The following PLEKHA7 variants were observed in gnomAD, a reference collection of about 807,000 sequenced individuals.
The protein encoded by PLEKHA7 is pleckstrin homology domain containing A7.
Under a neutral mutation model 170.0 loss-of-function variants are expected in PLEKHA7, and 104 were observed. The ratio of observed to expected loss-of-function variants is 0.61; its 90% CI spans 0.52 to 0.72. PLEKHA7 has a LOEUF of 0.72. Ranked by LOEUF, PLEKHA7 falls within the 30% of genes least tolerant of loss-of-function variation. PLEKHA7 has a pLI of 0.00. For missense variants in PLEKHA7, 1,615 were observed against 1,671.7 expected (o/e 0.97, Z 0.59); for synonymous variants, 648 against 660.8 (o/e 0.98, Z 0.30).
intron 3 of PLEKHA7, among the ~76,000 whole-genome samples, chr11:16,906,224 TAGGA>T (rs199992587): frequency 0.078 from 9,107 of 116,096 alleles, 437 homozygotes; most frequent in South Asian, 0.089. Context: ...TAAAATGAGG[TAGGA>T]AGGAAGGAAG....
intron 8 of PLEKHA7, among the ~76,000 whole-genome samples, chr11:16,850,519 A>G (rs925763689): frequency 6.6e-6 from 1 of 152,172 alleles, no homozygotes; most frequent in African/African-American, 2.4e-5. Flanking sequence ...AATGGAGAAG[A>G]CCTCAGGACT....
intron 9 of PLEKHA7, among the ~76,000 whole-genome samples, chr11:16,838,445 C>T (rs1371954313): frequency 6.7e-6 from 1 of 149,256 alleles, no homozygotes; most frequent in South Asian, 2.1e-4. Flanking sequence ...CCCAGGAGTT[C>T]GAGGCTGCAG....
At chr11:16,917,546 T>C (rs1454670106) in intron 3 of PLEKHA7, among the ~76,000 whole-genome samples, 1 of 152,200 alleles carries the variant, frequency 6.6e-6, no homozygotes, top group Non-Finnish European at 1.5e-5. Context: ...CCCACATTCC[T>C]TGGCTCAAGG....
chr11:16,880,824 A>G (rs1296666825), intron 3 of PLEKHA7, among the ~76,000 whole-genome samples: 1 of 152,212 alleles, frequency 6.6e-6, no homozygotes, highest in African/African-American at 2.4e-5. Flanking sequence ...GTACACTTAA[A>G]TAAGTCAGTT....
At chr11:17,013,471 CG>C in intron 3 of PLEKHA7, 2 of 153,560 alleles carry the variant, frequency 1.3e-5, no homozygotes, top group Non-Finnish European at 2.9e-5. Context: ...GGATGGAGGC[CG>C]GGGGCGAGGT....
At position 16,789,934 on chromosome 11, in the gene PLEKHA7, C is replaced by T. The variant is rs1847721216; in HGVS notation, c.3053-56G>A. The T allele has an allele frequency of 2.8e-5, 40 of 1,446,660 alleles. No individual in the cohort carries two copies. The South Asian group carries it at 4.0e-4, about 15-fold the overall frequency. The allele number at this position is 1,446,660 out of a possible 1,614,324, so 89.6% of individuals were successfully genotyped here. A position where few individuals can be genotyped will look rare whatever the true frequency, so the allele number is the denominator to read the frequency against. The stretch of plus-strand genomic sequence containing the variant: ...TTGTGCTGGGGTGGATGGGTCCCTG[C>T]TTCTCCCTCATCACACATTCTTGCA... On this transcript the variant is annotated intron_variant, in intron 21 of 26. Coordinates refer to ENST00000531066, the MANE Select transcript of PLEKHA7 (RefSeq NM_001329630.2). This position sits in a 1 kb window ranked among gnomAD's most constrained non-coding sequence, Gnocchi z 4.6.
chr11:16,975,738 T>C (rs1460869259), intron 3 of PLEKHA7, among the ~76,000 whole-genome samples: 1 of 152,242 alleles, frequency 6.6e-6, no homozygotes, highest in Non-Finnish European at 1.5e-5. Flanking sequence ...GGATTATCTC[T>C]GGGTGATAGG....
In PLEKHA7 at chr11:16,816,159, G is replaced by A. The variant is rs1849737579; in HGVS notation, c.1953+19C>T. The A allele has an allele frequency of 6.3e-7, 1 of 1,588,390 alleles. No homozygotes were observed. Among genetic ancestry groups the A allele is most frequent in the Non-Finnish European group, 8.6e-7 (1 of 1,156,722 alleles). ...GATGAGATAGGGCTTTGCAGGCTAT[G>A]TCTTGTCATTCACCCTACCGATTTT... On this transcript the variant is annotated intron_variant, in intron 12 of 26. Transcript: ENST00000531066.
chr11:16,825,600 T>C (rs1002725039), intron 10 of PLEKHA7, among the ~76,000 whole-genome samples: 1 of 152,220 alleles, frequency 6.6e-6, no homozygotes, highest in African/African-American at 2.4e-5. Flanking sequence ...TAGCAAGAGA[T>C]GCATGCCTTC....
chr11:16,984,286 GAAT>G (rs1338655258), intron 3 of PLEKHA7, among the ~76,000 whole-genome samples: 1 of 151,558 alleles, frequency 6.6e-6, no homozygotes, highest in Non-Finnish European at 1.5e-5. Flanking sequence ...AAAATATTTA[GAAT>G]AAGTACTTAG....
chr11:16,957,009 C>T (rs896887386), intron 3 of PLEKHA7, among the ~76,000 whole-genome samples: 21 of 152,124 alleles, frequency 1.4e-4, no homozygotes, highest in African/African-American at 3.6e-4. Flanking sequence ...TGGCTTTAGG[C>T]GCAGCATTAG....
intron 3 of PLEKHA7, among the ~76,000 whole-genome samples, chr11:16,904,228 C>A (rs2136073728): frequency 6.6e-6 from 1 of 152,304 alleles, no homozygotes; most frequent in South Asian, 2.1e-4. Flanking sequence ...TCTCCATGCA[C>A]AAGCAACATC....
chr11:16,813,229 G>T (rs1849506549), intron 12 of PLEKHA7, 63 bp from the exon 13 acceptor site: 1 of 1,416,762 alleles, frequency 7.1e-7, no homozygotes, highest in Non-Finnish European at 1.0e-6. Flanking sequence ...ATAACTCGAG[G>T]TTTCACATGT....
At chr11:16,837,659 A>G (rs940185583) in intron 9 of PLEKHA7, among the ~76,000 whole-genome samples, 1 of 152,214 alleles carries the variant, frequency 6.6e-6, no homozygotes, top group Non-Finnish European at 1.5e-5. Flanking sequence ...CAAAAACAAA[A>G]TTTCTATTTA....
chr11:16,974,152 C>T (rs780261643), intron 3 of PLEKHA7, among the ~76,000 whole-genome samples: 1 of 151,918 alleles, frequency 6.6e-6, no homozygotes, highest in Non-Finnish European at 1.5e-5. Flanking sequence ...ATCCCAGCTA[C>T]GTGGGTAAGA....
rs887011640 is a variant in PLEKHA7, at chr11:16,889,321, C to A, written c.222-18139G>T. On this transcript the variant is annotated intron_variant, in intron 3 of 26. Transcript: ENST00000531066. ...ACCTACCCAACTCCTATAAAGCAACCCCTTCCCCATCTCCCTTCGCTGACT... is the reference window on the plus strand; with the variant it reads ...ACCTACCCAACTCCTATAAAGCAACACCTTCCCCATCTCCCTTCGCTGACT... 2.7e-5 allele frequency among the ~76,000 whole-genome samples: 4 copies of A among 149,736 alleles called. No individual in the cohort carries two copies. The Admixed American group carries it at 2.7e-4, about 10-fold the overall frequency.
At chr11:16,855,692 T>C (rs1853378225) in intron 5 of PLEKHA7, 111 bp downstream of exon 5, 5 of 807,276 alleles carry the variant, frequency 6.2e-6, no homozygotes, top group African/African-American at 1.7e-5. Flanking sequence ...GAACACTTCT[T>C]ATGGGTCTCT....
chr11:16,870,306 C>T (rs1308416776), intron 4 of PLEKHA7, among the ~76,000 whole-genome samples: 1 of 152,086 alleles, frequency 6.6e-6, no homozygotes, highest in Non-Finnish European at 1.5e-5. Context: ...CACCCCCACA[C>T]ACACACTACA....
chr11:16,783,908 TC>T, intron 24 of PLEKHA7, 75 bp from the exon 25 acceptor site: 1 of 1,296,364 alleles, frequency 7.7e-7, no homozygotes, highest in South Asian at 2.2e-5. Flanking sequence ...CCCACCTCTG[TC>T]CCCTCCCACC....
Sources: gnomAD v4.1 joint callset for allele counts (sites outside exome capture counted in the v4.1 genomes callset) on GRCh38, gnomAD v4.1.1 for gene constraint, Gnocchi (gnomAD v3.1) non-coding constraint, MANE v1.5 for transcripts, NCBI Gene and HGNC (gene_info 2026-07-23, HGNC 2026-07-21) for gene names.